TBCK: variants seen among roughly 807,000 people sequenced by gnomAD.
TBCK encodes the protein TBC1 domain containing kinase, also known as TBC domain-containing protein kinase-like protein.
TBCK carries 99 observed loss-of-function variants against 113.4 expected under a neutral mutation model. The ratio of observed to expected loss-of-function variants is 0.87; its 90% CI spans 0.74 to 1.03. The LOEUF (loss-of-function observed/expected upper bound fraction) is 1.03, where lower values mean the gene tolerates loss of function less well. TBCK is among the 50% of genes least tolerant of loss of function. The pLI is 0.00. For synonymous variants in TBCK, 369 were observed against 370.8 expected (o/e 1.00, Z 0.05); for missense variants, 1,045 against 1,061.3 (o/e 0.98, Z 0.21).
intron 25 of TBCK, among the ~76,000 whole-genome samples, chr4:106,068,626 T>C (rs1371240255): frequency 6.6e-6 from 1 of 152,258 alleles, no homozygotes; most frequent in Non-Finnish European, 1.5e-5. Flanking sequence ...CATGCATCTT[T>C]ATAGTAGCAT....
chr4:106,228,058 CT>C (rs1301936778), intron 19 of TBCK, among the ~76,000 whole-genome samples: 1 of 151,854 alleles, frequency 6.6e-6, no homozygotes, highest in Non-Finnish European at 1.5e-5. Context: ...ATTTTAAACA[CT>C]TTTCTGTTTT....
At chr4:106,211,593 C>T (rs1268142840) in intron 20 of TBCK, among the ~76,000 whole-genome samples, 5 of 151,998 alleles carry the variant, frequency 3.3e-5, no homozygotes, top group African/African-American at 1.2e-4. Flanking sequence ...TATTTCTTCC[C>T]ATGCATTGTG....
At chr4:106,143,988 G>A (rs984348881) in intron 23 of TBCK, among the ~76,000 whole-genome samples, 1 of 151,634 alleles carries the variant, frequency 6.6e-6, no homozygotes, top group Non-Finnish European at 1.5e-5. Context: ...GAATCACTGA[G>A]TAAAAGAAAT....
chr4:106,122,287 A>C lies in TBCK; in HGVS notation c.2236-5909T>G, dbSNP rs563045228. On this transcript the variant is annotated intron_variant, in intron 23 of 25. Transcript: ENST00000394708. ...CTAGAAAATCTAAAAGAAATGGATA[A>C]ATTCCTCGACACATACACTCTCCCA... 3.3e-5 allele frequency among the ~76,000 whole-genome samples: 5 copies of C among 152,290 alleles called. No homozygotes were observed. In the South Asian group the frequency reaches 8.3e-4, roughly 25 times the overall value.
At chr4:106,167,955 A>C (rs80136007) in intron 23 of TBCK, among the ~76,000 whole-genome samples, 11 of 151,956 alleles carry the variant, frequency 7.2e-5, no homozygotes, top group African/African-American at 2.6e-4. Flanking sequence ...AACTGTCTAC[A>C]ATTTCTTTGA....
chr4:106,173,402 T>C (rs1186567664), intron 22 of TBCK, among the ~76,000 whole-genome samples: 2 of 152,132 alleles, frequency 1.3e-5, no homozygotes, highest in Non-Finnish European at 2.9e-5. Flanking sequence ...TACTCAACCA[T>C]CTAAAGTCTG....
intron 20 of TBCK, among the ~76,000 whole-genome samples, chr4:106,197,341 A>AGT (rs34095868): frequency 0.13 from 18,125 of 142,124 alleles, 1,691 homozygotes; most frequent in African/African-American, 0.27. Flanking sequence ...ATTACTGAAG[A>AGT]GTGTGTGTGT....
At chr4:106,080,934 G>A (rs1738783005) in intron 25 of TBCK, among the ~76,000 whole-genome samples, 1 of 152,152 alleles carries the variant, frequency 6.6e-6, no homozygotes, top group African/African-American at 2.4e-5. Context: ...CAACATCACT[G>A]ATCATTAGAG....
At chr4:106,219,373 TAAA>T (rs1477628743) in intron 19 of TBCK, among the ~76,000 whole-genome samples, 82 of 129,658 alleles carry the variant, frequency 6.3e-4, no homozygotes, top group African/African-American at 2.3e-3. Context: ...AGTATAATAA[TAAA>T]AAAATAAAAA....
chr4:106,246,305 G>GCC (rs749277543), intron 10 of TBCK, among the ~76,000 whole-genome samples: 8 of 152,054 alleles, frequency 5.3e-5, no homozygotes, highest in Non-Finnish European at 1.0e-4. Context: ...ATGTTTAATT[G>GCC]AATGAATGTT....
chr4:106,266,780 C>G (rs1249713044), intron 3 of TBCK, among the ~76,000 whole-genome samples: 1 of 151,732 alleles, frequency 6.6e-6, no homozygotes, highest in African/African-American at 2.4e-5. Flanking sequence ...CTATTTTATA[C>G]CATGAGAAGA....
intron 25 of TBCK, among the ~76,000 whole-genome samples, chr4:106,083,009 C>A (rs181372770): frequency 1.3e-5 from 2 of 152,342 alleles, no homozygotes; most frequent in Admixed American, 1.3e-4. Flanking sequence ...AGCGTCCCAA[C>A]CCTAGAATGT....
chr4:106,176,392 T>A (rs2149757712), intron 22 of TBCK, among the ~76,000 whole-genome samples: 1 of 152,186 alleles, frequency 6.6e-6, no homozygotes, highest in South Asian at 2.1e-4. Context: ...TTATTTAGTT[T>A]CCCAAGTATG....
chr4:106,245,864 C>T (rs1009130400), intron 10 of TBCK, among the ~76,000 whole-genome samples: 12 of 152,072 alleles, frequency 7.9e-5, no homozygotes, highest in African/African-American at 2.4e-4. Context: ...ATAAGTAGCC[C>T]TTATGTCCAG....
intron 20 of TBCK, among the ~76,000 whole-genome samples, chr4:106,208,403 T>C (rs1273941745): frequency 1.3e-5 from 2 of 148,704 alleles, no homozygotes; most frequent in African/African-American, 4.9e-5. Flanking sequence ...CATCTTTGAG[T>C]GGTGCCTTTT....
intron 23 of TBCK, among the ~76,000 whole-genome samples, chr4:106,148,965 G>A (rs1267867859): frequency 6.6e-6 from 1 of 152,118 alleles, no homozygotes; most frequent in Admixed American, 6.5e-5. Context: ...CTAGATTTTG[G>A]GATTACTTCC....
chr4:106,254,190 C>T (rs867782810), intron 5 of TBCK, among the ~76,000 whole-genome samples: 1 of 152,112 alleles, frequency 6.6e-6, no homozygotes, highest in African/African-American at 2.4e-5. Context: ...CACTCTCTGC[C>T]TGGCATGTAC....
In TBCK at chr4:106,252,017, T is replaced by C. The variant is rs762471972; in HGVS notation, c.456-10A>G. The C allele has an allele frequency of 5.1e-6, 8 of 1,575,210 alleles. No individual in the cohort carries two copies. Among genetic ancestry groups the C allele is most frequent in the East Asian group, 2.2e-5 (1 of 44,460 alleles). ...CAAGTACGAGGGATACCTGTAATGA[T>C]ACATTAAAATAATGAAAAATTACAA... On this transcript the variant is annotated splice_polypyrimidine_tract_variant and intron_variant, in intron 5 of 25. Transcript: ENST00000394708.
chr4:106,192,852 A>T (rs2149811505), intron 22 of TBCK, among the ~76,000 whole-genome samples: 1 of 152,214 alleles, frequency 6.6e-6, no homozygotes, highest in South Asian at 2.1e-4. Context: ...TATCAGCAGT[A>T]ACTTGGGCCT....
Sources: gnomAD v4.1 joint callset for allele counts (sites outside exome capture counted in the v4.1 genomes callset) on GRCh38, gnomAD v4.1.1 for gene constraint, MANE v1.5 for transcripts, NCBI Gene and HGNC (gene_info 2026-07-23, HGNC 2026-07-21) for gene names.